The following FAAH2 variants were observed in gnomAD, a reference collection of about 807,000 sequenced individuals.
The protein encoded by FAAH2 is fatty-acid amide hydrolase 2.
Under a neutral mutation model 36.9 loss-of-function variants are expected in FAAH2, and 60 were observed. The ratio of observed to expected loss-of-function variants is 1.63; its 90% confidence interval spans 1.32 to 2.02. FAAH2 has a LOEUF of 2.02. FAAH2 is among the 30% of genes most tolerant of loss of function. The pLI is 0.00. For missense variants in FAAH2, 689 were observed against 397.5 expected (o/e 1.73, Z -6.23); for synonymous variants, 214 against 143.8 (o/e 1.49, Z -3.49).
At chrX:57,159,525 G>A in the FAAH2 span, among the ~76,000 whole-genome samples, 1 of 110,454 alleles carries the variant, frequency 9.1e-6, no homozygotes, top group African/African-American at 3.3e-5. Context: ...TTGAGCAGTG[G>A]TTTGTAGTTC....
intron 3 of FAAH2, among the ~76,000 whole-genome samples, chrX:57,319,708 G>T (rs1276476360): frequency 5.4e-5 from 6 of 111,892 alleles, no homozygotes; most frequent in Non-Finnish European, 7.5e-5. Flanking sequence ...AGCTCCGATA[G>T]CCAAGACAAT....
chrX:57,207,019 G>A, the FAAH2 span, among the ~76,000 whole-genome samples: 1 of 111,364 alleles, frequency 9.0e-6, no homozygotes, highest in Non-Finnish European at 1.9e-5. Flanking sequence ...TATAGGTGAT[G>A]GAGGCTTAAC....
intron 2 of FAAH2, among the ~76,000 whole-genome samples, chrX:57,300,963 C>G (rs1054690802): frequency 1.8e-5 from 2 of 111,684 alleles, no homozygotes; most frequent in Admixed American, 1.9e-4. Flanking sequence ...CAGGAAACAA[C>G]AGGTGCTGGA....
chrX:57,366,248 G>T (rs2054411384), intron 5 of FAAH2, among the ~76,000 whole-genome samples: 1 of 111,235 alleles, frequency 9.0e-6, no homozygotes, highest in Non-Finnish European at 1.9e-5. Flanking sequence ...ATGTTCTTGA[G>T]GGTTTGACTG....
At position 57,402,861 on chromosome X, in the gene FAAH2, A is replaced by C. The variant is rs183328962; in HGVS notation, c.996+21832A>C. On this transcript the variant is annotated intron_variant, in intron 7 of 10. Transcript: ENST00000374900. ...TGGTGGCAGAATTGTTCTGTGGGGA[A>C]CTATTCTCTTTCCTCTGTTGTCATC... 3.1e-3 allele frequency among the ~76,000 whole-genome samples: 342 copies of C among 112,110 alleles called. 2 individuals are homozygous for C. The highest frequency in any genetic ancestry group is 4.5e-3 in the Non-Finnish European group (238 of 53,191).
chrX:57,412,831 C>T (rs1471893648), intron 7 of FAAH2, among the ~76,000 whole-genome samples: 12 of 111,943 alleles, frequency 1.1e-4, no homozygotes, highest in Admixed American at 7.6e-4. Flanking sequence ...CTAATTGATA[C>T]TCCAACCAAC....
intron 7 of FAAH2, among the ~76,000 whole-genome samples, chrX:57,408,953 G>A (rs7885658): frequency 0.36 from 39,817 of 109,834 alleles, 6,201 homozygotes; most frequent in Middle Eastern, 0.61. Context: ...TTGTTATTGT[G>A]TGAACAATAT....
chrX:57,306,693 TGTGTG>T (rs2052533325), intron 2 of FAAH2, among the ~76,000 whole-genome samples: 1 of 6,093 alleles, frequency 1.6e-4, no homozygotes, highest in Non-Finnish European at 4.0e-3. Context: ...CAACATCTTG[TGTGTG>T]TGTGTGTGTG....
At chrX:57,392,966 C>A in intron 7 of FAAH2, 1 of 924,105 alleles carries the variant, frequency 1.1e-6, no homozygotes, top group Non-Finnish European at 1.6e-6. Flanking sequence ...GTGCAATGAT[C>A]CTGATTTTAT....
At chrX:57,331,557 A>T (rs1330908132) in intron 3 of FAAH2, 41 bp from the exon 4 acceptor site, 1 of 1,130,474 alleles carries the variant, frequency 8.8e-7, no homozygotes, top group South Asian at 1.9e-5. Flanking sequence ...AACTATTTTT[A>T]TTTAATAATT....
chrX:57,438,574 A>G (rs1330381793), intron 8 of FAAH2, among the ~76,000 whole-genome samples: 1 of 110,490 alleles, frequency 9.1e-6, no homozygotes, highest in Non-Finnish European at 1.9e-5. Context: ...GAAGAATTAG[A>G]AAACATTCTT....
chrX:57,328,154 A>G (rs914809601), intron 3 of FAAH2, among the ~76,000 whole-genome samples: 8 of 111,723 alleles, frequency 7.2e-5, no homozygotes, highest in African/African-American at 2.3e-4. Context: ...CAAAACAGCG[A>G]ATATTGGTGA....
intron 5 of FAAH2, among the ~76,000 whole-genome samples, chrX:57,349,699 C>T (rs1013401330): frequency 9.2e-6 from 1 of 108,344 alleles, no homozygotes; most frequent in Non-Finnish European, 1.9e-5. Flanking sequence ...TGAAATAATT[C>T]TTTTGGACAA....
chrX:57,216,736 G>A, the FAAH2 span, among the ~76,000 whole-genome samples: 12 of 98,850 alleles, frequency 1.2e-4, no homozygotes, highest in African/African-American at 1.8e-4. Flanking sequence ...ATAAACATGC[G>A]TGTGCAAGTA....
the FAAH2 span, among the ~76,000 whole-genome samples, chrX:57,202,925 A>G: frequency 1.8e-5 from 2 of 111,763 alleles, no homozygotes; most frequent in African/African-American, 3.3e-5. Flanking sequence ...CCACCACCAG[A>G]GCCCTGCTAG....
intron 3 of FAAH2, among the ~76,000 whole-genome samples, chrX:57,322,285 C>T (rs751852141): frequency 3.6e-4 from 40 of 111,978 alleles, no homozygotes; most frequent in South Asian, 7.3e-4. Flanking sequence ...CCACCGCACC[C>T]GGCCTGCATT....
At chrX:57,294,917 T>A (rs1450577164) in intron 2 of FAAH2, among the ~76,000 whole-genome samples, 5 of 111,333 alleles carry the variant, frequency 4.5e-5, no homozygotes, top group Non-Finnish European at 7.5e-5. Context: ...AGAATAGATG[T>A]TTAAGGAATG....
At chrX:57,240,877 A>G in the FAAH2 span, among the ~76,000 whole-genome samples, 1 of 112,456 alleles carries the variant, frequency 8.9e-6, no homozygotes, top group Middle Eastern at 4.2e-3. Context: ...AAAGGCTGGT[A>G]GATAGGGGGA....
the FAAH2 span, among the ~76,000 whole-genome samples, chrX:57,200,140 C>A: frequency 9.1e-6 from 1 of 109,423 alleles, no homozygotes; most frequent in Admixed American, 9.8e-5. Context: ...TATTTGTTTT[C>A]TTATCTTCTC....
Sources: allele counts gnomAD v4.1 joint callset (sites outside exome capture counted in the v4.1 genomes callset), GRCh38; gene constraint gnomAD v4.1.1; transcripts MANE v1.5; gene names NCBI Gene and HGNC (gene_info 2026-07-23, HGNC 2026-07-21).